RPTOR: variants seen among roughly 807,000 people sequenced by gnomAD.
RPTOR encodes regulatory-associated protein of mTOR.
In RPTOR, 21 loss-of-function variants were observed where a neutral mutation model predicts 169.9. That is an observed-to-expected ratio of 0.12 (90% CI 0.09 to 0.18). The LOEUF (loss-of-function observed/expected upper bound fraction) is 0.18. RPTOR is among the 10% of genes least tolerant of loss of function. RPTOR has a pLI of 1.00. For synonymous variants in RPTOR, 732 were observed against 753.2 expected, an observed-to-expected ratio of 0.97 and a Z score of 0.46; for missense variants, 1,133 against 1,855.9, an observed-to-expected ratio of 0.61 and a Z score of 7.16.
chr17:80,901,376 T>C (rs1379858013), intron 20 of RPTOR, among the ~76,000 whole-genome samples: 3 of 152,140 alleles, frequency 2.0e-5, no homozygotes, highest in Non-Finnish European at 4.4e-5. Flanking sequence ...ATGTGATTCC[T>C]GACTTTTTTT....
chr17:80,678,542 T>C (rs1458411730), intron 3 of RPTOR, among the ~76,000 whole-genome samples: 2 of 152,272 alleles, frequency 1.3e-5, no homozygotes, highest in Non-Finnish European at 2.9e-5. Context: ...GTTAAGGCCA[T>C]GTGTACTAGC....
At chr17:80,855,828 G>C (rs1275155035) in intron 12 of RPTOR, among the ~76,000 whole-genome samples, 1 of 152,094 alleles carries the variant, frequency 6.6e-6, no homozygotes, top group African/African-American at 2.4e-5. Context: ...TTGTCGGCCG[G>C]TCACCTTTTC....
chr17:80,833,256 GC>G (rs1567937780), intron 9 of RPTOR, among the ~76,000 whole-genome samples: 1 of 152,192 alleles, frequency 6.6e-6, no homozygotes, highest in Non-Finnish European at 1.5e-5. Context: ...TGTTTTCCAG[GC>G]GAGTGACTCA....
intron 4 of RPTOR, among the ~76,000 whole-genome samples, chr17:80,712,744 G>A (rs565860292): frequency 7.2e-5 from 11 of 152,302 alleles, no homozygotes; most frequent in African/African-American, 2.4e-4. Flanking sequence ...GAACTGTGAA[G>A]CTGTCTTCCA....
chr17:80,818,489 C>G (rs1469195610), intron 7 of RPTOR, among the ~76,000 whole-genome samples: 2 of 152,116 alleles, frequency 1.3e-5, no homozygotes, highest in Non-Finnish European at 2.9e-5. Flanking sequence ...TGGTTAGGAT[C>G]AGGTACAGAA....
chr17:80,627,649 A>G (rs1480036794), intron 2 of RPTOR, among the ~76,000 whole-genome samples: 1 of 151,872 alleles, frequency 6.6e-6, no homozygotes, highest in African/African-American at 2.4e-5. Flanking sequence ...TTTTTCCTTT[A>G]TTCCATTTTT....
rs571107997 is a variant in RPTOR at position 80,878,941 on chromosome 17, T to C, written c.1510-1474T>C. Among the ~76,000 whole-genome samples the C allele has an allele frequency of 4.2e-4, 64 of 152,178 alleles. No individual in the cohort carries two copies. Among genetic ancestry groups the C allele is most frequent in the African/African-American group, 1.5e-3 (64 of 41,538 alleles). The stretch of plus-strand genomic sequence containing the variant: ...CGCCCACAGGACCCTCGGAAGCCCC[T>C]TCCTCTAGGGGCCCGTCCCTCCTCC... On this transcript the variant is annotated intron_variant, in intron 13 of 33. Coordinates refer to ENST00000306801, the MANE Select transcript of RPTOR (RefSeq NM_020761.3). The surrounding 1 kb of genome is among the most constrained non-coding windows in gnomAD (Gnocchi z 4.1).
intron 1 of RPTOR, among the ~76,000 whole-genome samples, chr17:80,572,247 G>A (rs1235153638): frequency 1.3e-5 from 2 of 152,126 alleles, no homozygotes; most frequent in East Asian, 3.9e-4. Context: ...ACAGGCAGGT[G>A]CCATCATGCC....
chr17:80,908,747 G>T, intron 20 of RPTOR, 64 bp from the exon 21 acceptor site: 1 of 1,194,034 alleles, frequency 8.4e-7, no homozygotes, highest in South Asian at 1.3e-5. Flanking sequence ...AGAAAATGCA[G>T]CCGCCTTAGG....
Position 80,845,870 on chromosome 17 carries a change from G to A in RPTOR, c.1213-603G>A, listed in dbSNP as rs529058416. Among the ~76,000 whole-genome samples, 10 of 152,236 alleles carry A rather than the reference G, an allele frequency of 6.6e-5. No homozygotes were observed. The highest frequency in any genetic ancestry group is 1.3e-4 in the Non-Finnish European group (9 of 68,020). On this transcript the variant is annotated intron_variant, in intron 10 of 33. Transcript: ENST00000306801. This position sits in a 1 kb window ranked among gnomAD's most constrained non-coding sequence, Gnocchi z 5.4. ...TCTCCATCCTTATCTCGCCTGGCCC[G>A]GTGCTGGTTTGTGGCTCTGCCCTGG...
chr17:80,950,138 C>T (rs2069155423), intron 28 of RPTOR, among the ~76,000 whole-genome samples: 1 of 152,192 alleles, frequency 6.6e-6, no homozygotes. Flanking sequence ...CTCCCGGGGT[C>T]AGGCTTCTGG....
chr17:80,703,724 T>C (rs1333811052), intron 3 of RPTOR, among the ~76,000 whole-genome samples: 3 of 152,232 alleles, frequency 2.0e-5, no homozygotes, highest in Non-Finnish European at 4.4e-5. Flanking sequence ...GCCTCGGTGA[T>C]GGCTGCACCT....
Position 80,893,801 on chromosome 17 carries a change from G to A in RPTOR, c.2337G>A (p.Leu779=), listed in dbSNP as rs1401747954. 1 of 1,571,686 alleles carries A rather than the reference G, an allele frequency of 6.4e-7. No homozygotes were observed. The highest frequency in any genetic ancestry group is 1.9e-5 in the Admixed American group (1 of 53,420). Residue 779 remains leucine, a synonymous_variant, in exon 20 of 34, where the codon CTG becomes CTA. Transcript: ENST00000306801. Reference sequence around the variant, plus strand: ...GCCCCGAGAATGAGGAGCATATCCTGTCCTTCGAGACCATCGACAAGATGC... The same window carrying A: ...GCCCCGAGAATGAGGAGCATATCCTATCCTTCGAGACCATCGACAAGATGC... ...LGSPENEEHI[L]SFETIDKMRR... is the part of the protein sequence containing the mutation.
At chr17:80,771,691 T>G in intron 6 of RPTOR, among the ~76,000 whole-genome samples, 1 of 131,846 alleles carries the variant, frequency 7.6e-6, no homozygotes, top group African/African-American at 2.8e-5. Context: ...CTGCCTCCAT[T>G]CAGACTTGGG....
At chr17:80,918,306 C>T (rs1378829901) in intron 21 of RPTOR, among the ~76,000 whole-genome samples, 1 of 152,232 alleles carries the variant, frequency 6.6e-6, no homozygotes, top group East Asian at 1.9e-4. Flanking sequence ...ATGCCCTGTT[C>T]CCCTGCGGAG....
At position 80,859,008 on chromosome 17, in the gene RPTOR, A is replaced by T. The variant is rs186267129; in HGVS notation, c.1509+1108A>T. The stretch of plus-strand genomic sequence containing the variant: ...GGGGTGGAGAGCATTTTCCTCCAGG[A>T]GGGTGGGCAGAGGAGGTCGGGCTGC... On this transcript the variant is annotated intron_variant, in intron 13 of 33. Coordinates refer to ENST00000306801, the MANE Select transcript of RPTOR (RefSeq NM_020761.3). 2.4e-3 allele frequency among the ~76,000 whole-genome samples: 361 copies of T among 152,034 alleles called. 1 individual carries two copies. Among genetic ancestry groups the T allele is most frequent in the South Asian group, 5.2e-3 (25 of 4,816 alleles).
chr17:80,818,658 C>T (rs974934922), intron 7 of RPTOR, among the ~76,000 whole-genome samples: 106 of 152,282 alleles, frequency 7.0e-4, no homozygotes, highest in African/African-American at 2.3e-3. Context: ...GTTGGTTCAT[C>T]GACTTGAATG....
rs184688052 is a variant in RPTOR at position 80,878,972 on chromosome 17, C to A, written c.1510-1443C>A. Among the ~76,000 whole-genome samples the A allele has an allele frequency of 8.9e-4, 135 of 152,242 alleles. No individual in the cohort carries two copies. Among genetic ancestry groups the A allele is most frequent in the Non-Finnish European group, 1.5e-3 (104 of 68,020 alleles). ...TAGGGGCCCGTCCCTCCTCCTTCCC[C>A]AGGCCCCGTCCCCCGCCTTGCCCTC... On this transcript the variant is annotated intron_variant, in intron 13 of 33. Transcript: ENST00000306801. The surrounding 1 kb of genome is among the most constrained non-coding windows in gnomAD (Gnocchi z 4.1).
intron 5 of RPTOR, among the ~76,000 whole-genome samples, chr17:80,736,042 C>T (rs561055832): frequency 1.3e-5 from 2 of 152,142 alleles, no homozygotes; most frequent in South Asian, 2.1e-4. Flanking sequence ...TGTAGTGGCA[C>T]GCATGTGTCA....
Sources: gnomAD v4.1 joint callset for allele counts (sites outside exome capture counted in the v4.1 genomes callset) on GRCh38, gnomAD v4.1.1 for gene constraint, Gnocchi (gnomAD v3.1) non-coding constraint, MANE v1.5 for transcripts, NCBI Gene and HGNC (gene_info 2026-07-23, HGNC 2026-07-21) for gene names.